The following RIPOR2 variants were observed in gnomAD, a reference collection of about 807,000 sequenced individuals.
RIPOR2 encodes rho family-interacting cell polarization regulator 2.
A neutral mutation model predicts 114.5 loss-of-function variants in RIPOR2; 39 were observed. That is an observed-to-expected ratio of 0.34 (90% confidence interval 0.26 to 0.44). The LOEUF is 0.44. Among genes scored for constraint, RIPOR2 ranks in the 20% least tolerant of loss-of-function variants. RIPOR2 has a pLI of 1.00. For missense variants in RIPOR2, 1,007 were observed against 1,255.1 expected, an observed-to-expected ratio of 0.80 and a Z score of 2.99; for synonymous variants, 445 against 484.4, an observed-to-expected ratio of 0.92 and a Z score of 1.07.
At chr6:24,926,686 T>C (rs1427562371) in intron 1 of RIPOR2, among the ~76,000 whole-genome samples, 2 of 152,154 alleles carry the variant, frequency 1.3e-5, no homozygotes, top group East Asian at 1.9e-4. Flanking sequence ...AAGAGGGGAA[T>C]TGTATAGACT....
At chr6:24,907,324 G>A (rs1456924855) in intron 1 of RIPOR2, among the ~76,000 whole-genome samples, 3 of 152,164 alleles carry the variant, frequency 2.0e-5, no homozygotes, top group Non-Finnish European at 4.4e-5. Context: ...TCGGTGTCAT[G>A]TAAACAATGC....
At position 24,932,315 on chromosome 6, in the gene RIPOR2, TG is replaced by T. The variant is rs1771459707; in HGVS notation, c.61+3522del. On this transcript the variant is annotated intron_variant, in intron 1 of 21. Coordinates refer to ENST00000643898, the MANE Select transcript of RIPOR2 (RefSeq NM_001286445.3). ...GTTGTTAGGAAAGCAAACTTAAGAC[TG>T]TGTGTGTGTGTGTGTGTGTGTGTGT... is the stretch of plus-strand genomic sequence containing the variant. Among the ~76,000 whole-genome samples, 5 of 7,186 alleles carry T rather than the reference TG, an allele frequency of 7.0e-4. No individual in the cohort carries two copies. In the East Asian group the frequency reaches 0.012, roughly 18 times the overall value. 4.7% of individuals were successfully genotyped at this position (7,186 alleles called of 152,430 possible).
intron 19 of RIPOR2, among the ~76,000 whole-genome samples, chr6:24,820,655 A>G (rs1222105417): frequency 2.0e-5 from 3 of 152,156 alleles, no homozygotes; most frequent in Non-Finnish European, 4.4e-5. Flanking sequence ...TTCATTTGGC[A>G]TAGTATCTTC....
In RIPOR2 at chr6:24,823,057, G is replaced by A. The variant is rs533121882; in HGVS notation, c.2868+2169C>T. 4.8e-4 allele frequency among the ~76,000 whole-genome samples: 73 copies of A among 152,286 alleles called. No individual in the cohort carries two copies. In the Middle Eastern group the frequency reaches 0.01, roughly 21 times the overall value. On this transcript the variant is annotated intron_variant, in intron 19 of 21. Transcript: ENST00000643898. ...TGCAACAGTATAGTTGGAGGACAGT[G>A]GATATTTCCTACTTGTCTAGGTGTG...
At position 24,809,765 on chromosome 6, in the gene RIPOR2, C is replaced by G. The variant is rs1184388883; in HGVS notation, c.2995G>C (p.Asp999His). ...IKMLVTLCQS[D>H]TEEIRNVASE... Reference sequence around the variant, plus strand: ...GCCACATTTCTGATTTCTTCAGTATCAGATTGACACAATGTCACCAGCATT... The same window carrying G: ...GCCACATTTCTGATTTCTTCAGTATGAGATTGACACAATGTCACCAGCATT... The change falls in exon 21 of 22, where the codon GAT (aspartate) becomes CAT (histidine). Residue 999 changes from aspartate (D) to histidine (H), a missense_variant. By Grantham distance (81) the Asp-to-His change is moderately conservative. Transcript: ENST00000643898. The G allele has an allele frequency of 1.3e-6, 2 of 1,551,054 alleles. No individual in the cohort carries two copies. The highest frequency in any genetic ancestry group is 2.4e-5 in the South Asian group (2 of 84,044).
chr6:24,958,168 G>A (rs1212139186), intron 1 of RIPOR2, among the ~76,000 whole-genome samples: 2 of 152,148 alleles, frequency 1.3e-5, no homozygotes, highest in Non-Finnish European at 2.9e-5. Context: ...GTTTTGCAAT[G>A]AAACACTATA....
intron 1 of RIPOR2, among the ~76,000 whole-genome samples, chr6:24,882,737 A>G (rs1326189670): frequency 1.3e-5 from 2 of 152,306 alleles, no homozygotes; most frequent in African/African-American, 4.8e-5. Context: ...AGCATATTGC[A>G]TGCAAAATTT....
intron 1 of RIPOR2, among the ~76,000 whole-genome samples, chr6:25,003,902 T>C (rs1242164667): frequency 6.6e-6 from 1 of 152,244 alleles, no homozygotes; most frequent in Non-Finnish European, 1.5e-5. Context: ...CTAATAAATC[T>C]GACCCCAGTT....
At chr6:25,021,388 C>A (rs1581965069) in intron 1 of RIPOR2, among the ~76,000 whole-genome samples, 1 of 152,236 alleles carries the variant, frequency 6.6e-6, no homozygotes, top group East Asian at 1.9e-4. Context: ...CTGTGGCACC[C>A]AAATGCCCAT....
At chr6:24,938,989 T>C (rs1214665688), upstream of RIPOR2, among the ~76,000 whole-genome samples, 1 of 152,234 alleles carries the variant, frequency 6.6e-6, no homozygotes, top group African/African-American at 2.4e-5. Flanking sequence ...ATTATATTTA[T>C]ATGAGTGTCC....
At chr6:24,931,719 C>T in intron 1 of RIPOR2, among the ~76,000 whole-genome samples, 1 of 152,198 alleles carries the variant, frequency 6.6e-6, no homozygotes. Context: ...CTGAGAAATA[C>T]TTTGCACACT....
At chr6:24,872,581 T>C (rs1345713371) in intron 4 of RIPOR2, among the ~76,000 whole-genome samples, 2 of 151,926 alleles carry the variant, frequency 1.3e-5, no homozygotes, top group African/African-American at 4.9e-5. Flanking sequence ...CCTTGTATTA[T>C]TTAGGAGGGT....
In RIPOR2 at chr6:24,873,775, G is replaced by A; in HGVS notation, c.213C>T (p.Ser71=). Residue 71 remains serine, a synonymous_variant, in exon 3 of 22, where the codon TCC becomes TCT. Transcript: ENST00000643898. The part of the protein sequence containing the change: ...RSRCNSFIEN[S]SALKKPQAKL... ...TGGCCTGAGGCTTCTTGAGAGCGGAGGAATTTTCAATGAAGGAGTTACACC... is the reference window on the plus strand; with the variant it reads ...TGGCCTGAGGCTTCTTGAGAGCGGAAGAATTTTCAATGAAGGAGTTACACC... The A allele has an allele frequency of 6.2e-7, 1 of 1,611,668 alleles. No homozygotes were observed. Among genetic ancestry groups the A allele is most frequent in the Non-Finnish European group, 8.5e-7 (1 of 1,179,358 alleles).
intron 1 of RIPOR2, among the ~76,000 whole-genome samples, chr6:25,003,946 G>A (rs1030876774): frequency 1.3e-5 from 2 of 152,118 alleles, no homozygotes. Context: ...TCTTTCATTT[G>A]TCATGTCACT....
chr6:25,034,226 G>A (rs541939755), intron 1 of RIPOR2, among the ~76,000 whole-genome samples: 3 of 142,382 alleles, frequency 2.1e-5, no homozygotes, highest in Admixed American at 7.6e-5. Flanking sequence ...TACAACATGC[G>A]CATATTAGCT....
chr6:24,911,105 G>T, intron 1 of RIPOR2: 1 of 435,802 alleles, frequency 2.3e-6, no homozygotes. Flanking sequence ...GAGCGGCGGA[G>T]CGGGCGGAGG....
intron 1 of RIPOR2, among the ~76,000 whole-genome samples, chr6:24,952,185 G>T (rs919882936): frequency 1.2e-4 from 19 of 152,194 alleles, no homozygotes; most frequent in African/African-American, 4.6e-4. Context: ...TGTTGGCTGG[G>T]TAGGCTGCAA....
chr6:24,935,026 G>A (rs1445582252), intron 1 of RIPOR2, among the ~76,000 whole-genome samples: 1 of 152,136 alleles, frequency 6.6e-6, no homozygotes, highest in Non-Finnish European at 1.5e-5. Context: ...GAAGGACCCA[G>A]GCCGGGCATG....
At chr6:24,846,301 CTTTTTTTT>C (rs1233193249) in intron 12 of RIPOR2, among the ~76,000 whole-genome samples, 1 of 91,720 alleles carries the variant, frequency 1.1e-5, no homozygotes, top group Non-Finnish European at 1.9e-5. Context: ...TTTCACCTGC[CTTTTTTTT>C]TTTTTTTTTT....
Sources: gnomAD v4.1 joint callset for allele counts (sites outside exome capture counted in the v4.1 genomes callset) on GRCh38, gnomAD v4.1.1 for gene constraint, MANE v1.5 for transcripts, NCBI Gene and HGNC (gene_info 2026-07-23, HGNC 2026-07-21) for gene names.